COL23A1: variants seen among roughly 807,000 people sequenced by gnomAD.
COL23A1 encodes the protein collagen type XXIII alpha 1 chain, also known as collagen alpha-1(XXIII) chain.
A neutral mutation model predicts 99.3 loss-of-function variants in COL23A1; 97 were observed. That is an observed-to-expected ratio of 0.98 (90% CI 0.83 to 1.16). The LOEUF is 1.16. COL23A1 is among the 50% of genes most tolerant of loss of function. COL23A1 has a pLI of 0.00. For missense variants in COL23A1, 762 were observed against 757.4 expected, an observed-to-expected ratio of 1.01 and a Z score of -0.07; for synonymous variants, 320 against 308.2, an observed-to-expected ratio of 1.04 and a Z score of -0.40.
chr5:178,303,054 G>A (rs1214456735), intron 3 of COL23A1, among the ~76,000 whole-genome samples: 3 of 152,364 alleles, frequency 2.0e-5, no homozygotes, highest in Non-Finnish European at 2.9e-5. Context: ...AGGCTGGAGT[G>A]CAGTGGTGCA....
intron 2 of COL23A1, among the ~76,000 whole-genome samples, chr5:178,496,364 G>C (rs1259218261): frequency 6.6e-6 from 1 of 152,160 alleles, no homozygotes; most frequent in Non-Finnish European, 1.5e-5. Context: ...GAACAGTCTG[G>C]ACACAGCTGC....
chr5:178,358,739 ATC>A (rs1479346517), intron 2 of COL23A1, among the ~76,000 whole-genome samples: 6 of 109,054 alleles, frequency 5.5e-5, no homozygotes, highest in Non-Finnish European at 1.0e-4. Context: ...GTGTATGTGT[ATC>A]TGTGTGTGTA....
At chr5:178,470,365 C>T (rs1456313579) in intron 2 of COL23A1, among the ~76,000 whole-genome samples, 4 of 152,264 alleles carry the variant, frequency 2.6e-5, no homozygotes, top group South Asian at 2.1e-4. Context: ...GCCCATAAGC[C>T]GAGCAGACCC....
At chr5:178,543,509 G>T (rs73344426) in intron 2 of COL23A1, among the ~76,000 whole-genome samples, 1 of 152,134 alleles carries the variant, frequency 6.6e-6, no homozygotes, top group East Asian at 1.9e-4. Context: ...AGAAAAAGGC[G>T]TGTTCAGTTA....
chr5:178,272,744 C>T (rs1449085799), intron 5 of COL23A1, among the ~76,000 whole-genome samples: 2 of 152,006 alleles, frequency 1.3e-5, no homozygotes, highest in East Asian at 3.9e-4. Flanking sequence ...TGCCCCTTGT[C>T]CCCCTACCCC....
At chr5:178,465,736 G>A (rs761757854) in intron 2 of COL23A1, among the ~76,000 whole-genome samples, 7 of 152,224 alleles carry the variant, frequency 4.6e-5, no homozygotes, top group Non-Finnish European at 8.8e-5. Flanking sequence ...ACGTCCTCAC[G>A]AGATGGGGAG....
chr5:178,268,953 A>G (rs1756065549), intron 6 of COL23A1, among the ~76,000 whole-genome samples, 197 bp from the exon 7 acceptor site: 1 of 152,154 alleles, frequency 6.6e-6, no homozygotes, highest in Non-Finnish European at 1.5e-5. Context: ...AGTCCTCAGC[A>G]TGAGGGATAC....
chr5:178,241,342 G>A (rs889912112), intron 27 of COL23A1, among the ~76,000 whole-genome samples: 8 of 152,156 alleles, frequency 5.3e-5, no homozygotes, highest in African/African-American at 1.9e-4. Context: ...GGTACAGGAA[G>A]GGTGTGGGGG....
chr5:178,258,497 G>A (rs1158072327), intron 12 of COL23A1, among the ~76,000 whole-genome samples: 7 of 143,216 alleles, frequency 4.9e-5, no homozygotes, highest in Admixed American at 2.2e-4. Context: ...CCGGGTTCAC[G>A]CCATTCTCCT....
At chr5:178,447,038 A>C (rs1475113884) in intron 2 of COL23A1, among the ~76,000 whole-genome samples, 2 of 152,156 alleles carry the variant, frequency 1.3e-5, no homozygotes, top group African/African-American at 4.8e-5. Context: ...ACGTGATTAT[A>C]TCTTCCTTAT....
At chr5:178,420,228 TG>T (rs1765528657) in intron 2 of COL23A1, among the ~76,000 whole-genome samples, 1 of 151,934 alleles carries the variant, frequency 6.6e-6, no homozygotes, top group Admixed American at 6.5e-5. Flanking sequence ...TTCTATGAAA[TG>T]GGGGGAATAG....
chr5:178,304,236 C>T (rs968953022), intron 3 of COL23A1, among the ~76,000 whole-genome samples: 11 of 152,120 alleles, frequency 7.2e-5, no homozygotes, highest in African/African-American at 2.4e-4. Flanking sequence ...TCTGTGGGCG[C>T]GGTGGCTCAC....
At position 178,454,072 on chromosome 5, in the gene COL23A1, G is replaced by A. The variant is rs190987794; in HGVS notation, c.361+106610C>T. On this transcript the variant is annotated intron_variant, in intron 2 of 28. Transcript: ENST00000390654. ...GCAAGCCCTCTGTCCGTCTTCATAC[G>A]GTGGAGCACAGAAACAATTACACAG... 4.1e-3 allele frequency among the ~76,000 whole-genome samples: 622 copies of A among 152,122 alleles called. 7 individuals carry two copies. Among genetic ancestry groups the A allele is most frequent in the African/African-American group, 0.014 (574 of 41,482 alleles).
At chr5:178,311,537 G>A (rs936316801) in intron 2 of COL23A1, among the ~76,000 whole-genome samples, 2 of 147,332 alleles carry the variant, frequency 1.4e-5, no homozygotes, top group Non-Finnish European at 3.0e-5. Flanking sequence ...TGTGTAATGC[G>A]GGGCTTTAAT....
At chr5:178,248,450 C>T (rs1400467065) in intron 19 of COL23A1, among the ~76,000 whole-genome samples, 196 bp from the exon 20 acceptor site, 9 of 152,174 alleles carry the variant, frequency 5.9e-5, no homozygotes, top group Non-Finnish European at 1.0e-4. Context: ...AGAAAGCACA[C>T]GAGCAGCCGC....
rs549444118 is a variant in COL23A1 at position 178,502,173 on chromosome 5, C to T, written c.361+58509G>A. 5.3e-5 allele frequency among the ~76,000 whole-genome samples: 8 copies of T among 152,304 alleles called. No homozygotes were observed. The South Asian group carries it at 6.2e-4, about 12-fold the overall frequency. ...TTGAGATGGAGTCTCGCTCTGTCGCCCAGGCTGGAGTGCAGTGGCGTGATC... is the reference window on the plus strand; with the variant it reads ...TTGAGATGGAGTCTCGCTCTGTCGCTCAGGCTGGAGTGCAGTGGCGTGATC... On this transcript the variant is annotated intron_variant, in intron 2 of 28. Coordinates refer to ENST00000390654, the MANE Select transcript of COL23A1 (RefSeq NM_173465.4).
At chr5:178,242,289 C>G in intron 26 of COL23A1, 52 bp downstream of exon 26, 1 of 1,589,266 alleles carries the variant, frequency 6.3e-7, no homozygotes, top group South Asian at 1.1e-5. Flanking sequence ...CCACTCCCAC[C>G]TGCCTCCTTC....
intron 2 of COL23A1, among the ~76,000 whole-genome samples, chr5:178,532,732 T>C (rs1581580966): frequency 1.3e-5 from 2 of 151,932 alleles, no homozygotes; most frequent in Admixed American, 1.3e-4. Context: ...CTTTGGGAGG[T>C]AATTAGGCAT....
At chr5:178,549,777 T>G (rs567167121) in intron 2 of COL23A1, among the ~76,000 whole-genome samples, 28 of 152,062 alleles carry the variant, frequency 1.8e-4, no homozygotes, top group Non-Finnish European at 3.8e-4. Flanking sequence ...ATTGCACCAT[T>G]GCACTCCAGC....
Sources: gnomAD v4.1 joint callset for allele counts (sites outside exome capture counted in the v4.1 genomes callset) on GRCh38, gnomAD v4.1.1 for gene constraint, MANE v1.5 for transcripts, NCBI Gene and HGNC (gene_info 2026-07-23, HGNC 2026-07-21) for gene names.